The following DEPDC5 variants were observed in gnomAD, a reference collection of about 807,000 sequenced individuals.
DEPDC5 encodes the protein GATOR1 complex protein DEPDC5.
DEPDC5 carries 73 observed loss-of-function variants against 217.3 expected under a neutral mutation model. The ratio of observed to expected loss-of-function variants is 0.34; its 90% confidence interval spans 0.28 to 0.41. The LOEUF (loss-of-function observed/expected upper bound fraction) is 0.41. Ranked by LOEUF, DEPDC5 falls within the 10% of genes least tolerant of loss-of-function variation. The probability of loss-of-function intolerance (pLI) is 1.00; values close to 1 mark genes in which losing one functional copy is unlikely to be tolerated. For missense variants in DEPDC5, 1,675 were observed against 2,070.1 expected, an observed-to-expected ratio of 0.81 and a Z score of 3.70; for synonymous variants, 733 against 756.7, an observed-to-expected ratio of 0.97 and a Z score of 0.51.
rs369635626 is a variant in DEPDC5, at chr22:31,769,133, G to A, written c.413+270G>A. The A allele has an allele frequency of 2.5e-3, 520 of 211,806 alleles. 3 individuals carry two copies. The highest frequency in any genetic ancestry group is 9.7e-3 in the African/African-American group (418 of 43,178). 13.1% of individuals were successfully genotyped at this position (211,806 alleles called of 1,614,324 possible). On this transcript the variant is annotated intron_variant, in intron 7 of 42. Coordinates refer to ENST00000651528, the MANE Select transcript of DEPDC5 (RefSeq NM_001242896.3). ...AAATTAGCTGGGCGTGGTGGCGGGC[G>A]CCTGTAGTCGCAGCTACTTGGGAGA...
chr22:31,803,861 T>C (rs2148646091), intron 15 of DEPDC5, among the ~76,000 whole-genome samples: 1 of 152,348 alleles, frequency 6.6e-6, no homozygotes, highest in African/African-American at 2.4e-5. Flanking sequence ...CTTTCTGGCC[T>C]TAAAAATTTA....
intron 38 of DEPDC5, among the ~76,000 whole-genome samples, chr22:31,885,305 T>G (rs1335382627): frequency 6.6e-6 from 1 of 152,200 alleles, no homozygotes; most frequent in Non-Finnish European, 1.5e-5. Context: ...GGCTTCCATC[T>G]GTGTCTGGTG....
chr22:31,873,592 C>T lies in DEPDC5; in HGVS notation c.3563+260C>T, dbSNP rs78092546. Reference sequence around the variant, plus strand: ...GGTGTCGCCATCTTGGCTCACCCAACCTCTGCCTCAAGATGGGATTTTTTT... The same window carrying T: ...GGTGTCGCCATCTTGGCTCACCCAATCTCTGCCTCAAGATGGGATTTTTTT... On this transcript the variant is annotated intron_variant, in intron 35 of 42. Transcript: ENST00000651528. Among the ~76,000 whole-genome samples the T allele has an allele frequency of 5.2e-3, 782 of 151,580 alleles. 6 individuals carry two copies. Among genetic ancestry groups the T allele is most frequent in the African/African-American group, 0.018 (737 of 41,290 alleles).
intron 25 of DEPDC5, among the ~76,000 whole-genome samples, chr22:31,836,345 C>T (rs1046180262): frequency 8.5e-5 from 13 of 152,318 alleles, no homozygotes; most frequent in South Asian, 4.1e-4. Flanking sequence ...GCAGGCAATT[C>T]GGGACAGACC....
At chr22:31,891,222 T>C in intron 38 of DEPDC5, 1 of 590,242 alleles carries the variant, frequency 1.7e-6, no homozygotes, top group Non-Finnish European at 3.3e-6. Flanking sequence ...AGCCACCAAG[T>C]CATCGACAAT....
intron 3 of DEPDC5, 53 bp from the exon 4 acceptor site, chr22:31,760,603 C>T: frequency 6.5e-7 from 1 of 1,535,262 alleles, no homozygotes; most frequent in Non-Finnish European, 8.9e-7. Context: ...ATGAAGGTTG[C>T]TAGGGAGTTA....
intron 33 of DEPDC5, among the ~76,000 whole-genome samples, chr22:31,870,285 AT>A (rs2092804985): frequency 6.6e-6 from 1 of 151,978 alleles, no homozygotes; most frequent in Non-Finnish European, 1.5e-5. Flanking sequence ...TGCTGAAGCG[AT>A]TTCTTTGGTC....
At chr22:31,890,213 G>C (rs537094800) in intron 38 of DEPDC5, 1 of 152,324 alleles carries the variant, frequency 6.6e-6, no homozygotes, top group East Asian at 1.9e-4. Context: ...TAAATCAGGA[G>C]AGGTGAAACA....
chr22:31,778,917 G>C (rs2084153515), intron 8 of DEPDC5, among the ~76,000 whole-genome samples: 1 of 152,172 alleles, frequency 6.6e-6, no homozygotes, highest in Admixed American at 6.6e-5. Context: ...TCACAACTGA[G>C]GGGTTGTGCC....
At chr22:31,827,119 T>G (rs1313712474) in intron 24 of DEPDC5, among the ~76,000 whole-genome samples, 5 of 152,084 alleles carry the variant, frequency 3.3e-5, no homozygotes, top group African/African-American at 1.2e-4. Flanking sequence ...ATCCTGGGGT[T>G]GTTTTTCTAG....
At chr22:31,822,613 C>T in intron 23 of DEPDC5, 80 bp from the exon 24 acceptor site, 2 of 1,399,656 alleles carry the variant, frequency 1.4e-6, no homozygotes, top group Non-Finnish European at 2.0e-6. Context: ...AACCTACCTC[C>T]CACCCCCGGG....
At chr22:31,901,947 GACTCTTT>G in intron 41 of DEPDC5, 145 bp downstream of exon 41, 1 of 711,788 alleles carries the variant, frequency 1.4e-6, no homozygotes. Context: ...TCTCCAACAG[GACTCTTT>G]ACATTGGTTT....
chr22:31,886,326 G>A (rs2093311885), intron 38 of DEPDC5, among the ~76,000 whole-genome samples: 1 of 152,146 alleles, frequency 6.6e-6, no homozygotes, highest in African/African-American at 2.4e-5. Flanking sequence ...TCTCTTGACA[G>A]TTTCTATAGG....
intron 24 of DEPDC5, 193 bp from the exon 25 acceptor site, chr22:31,833,722 G>T (rs761516672): frequency 6.7e-6 from 3 of 445,768 alleles, no homozygotes; most frequent in Non-Finnish European, 1.2e-5. Flanking sequence ...TAAAGTTCTG[G>T]CTCATTCCCA....
chr22:31,811,466 T>G (rs1205727630), intron 20 of DEPDC5, among the ~76,000 whole-genome samples: 1 of 152,188 alleles, frequency 6.6e-6, no homozygotes, highest in Non-Finnish European at 1.5e-5. Context: ...GCGTTTAAGT[T>G]TATTATTCTG....
chr22:31,843,306 G>A, intron 28 of DEPDC5, 94 bp downstream of exon 28: 1 of 1,292,774 alleles, frequency 7.7e-7, no homozygotes, highest in South Asian at 1.5e-5. Flanking sequence ...AACTGAGGAA[G>A]TTCAGTGGTT....
intron 7 of DEPDC5, among the ~76,000 whole-genome samples, chr22:31,774,968 C>G (rs2083690464): frequency 6.6e-6 from 1 of 152,064 alleles, no homozygotes; most frequent in Admixed American, 6.6e-5. Flanking sequence ...TGAGGTCAGG[C>G]TTGTGACACT....
chr22:31,906,140 C>G lies in DEPDC5; in HGVS notation c.4520-65C>G. 6.2e-7 allele frequency: 1 copy of G among 1,613,318 alleles called. No homozygotes were observed. The highest frequency in any genetic ancestry group is 8.5e-7 in the Non-Finnish European group (1 of 1,179,542). ...TTGCACCAAGCCTATGGCTGCAGAACCACCTCAGCAGGCTCCAGGAGCCCT... is the reference window on the plus strand; with the variant it reads ...TTGCACCAAGCCTATGGCTGCAGAAGCACCTCAGCAGGCTCCAGGAGCCCT... On this transcript the variant is annotated intron_variant, in intron 42 of 42. Coordinates refer to ENST00000651528, the MANE Select transcript of DEPDC5 (RefSeq NM_001242896.3). The surrounding 1 kb of genome is among the most constrained non-coding windows in gnomAD (Gnocchi z 5.1).
chr22:31,806,078 A>G (rs2087497509), intron 17 of DEPDC5, 44 bp from the exon 18 acceptor site: 1 of 1,563,336 alleles, frequency 6.4e-7, no homozygotes, highest in Non-Finnish European at 8.8e-7. Context: ...GAGTTTTAAA[A>G]TAAAGGGAAT....
Sources: gnomAD v4.1 joint callset for allele counts (sites outside exome capture counted in the v4.1 genomes callset) on GRCh38, gnomAD v4.1.1 for gene constraint, Gnocchi (gnomAD v3.1) non-coding constraint, MANE v1.5 for transcripts, NCBI Gene and HGNC (gene_info 2026-07-23, HGNC 2026-07-21) for gene names.